The following BCAP29 variants were observed in gnomAD, a reference collection of about 807,000 sequenced individuals.
The protein encoded by BCAP29 is B-cell receptor-associated protein 29.
A neutral mutation model predicts 31.8 loss-of-function variants in BCAP29; 34 were observed. The observed-to-expected ratio is 1.07, with a 90% CI of 0.81 to 1.42. BCAP29 has a LOEUF of 1.42. BCAP29 is among the 40% of genes most tolerant of loss of function. The pLI is 0.00. For missense variants in BCAP29, 314 were observed against 269.2 expected, an observed-to-expected ratio of 1.17 and a Z score of -1.16; for synonymous variants, 104 against 91.3, an observed-to-expected ratio of 1.14 and a Z score of -0.79.
At chr7:107,601,182 C>T (rs1811114469) in intron 6 of BCAP29, among the ~76,000 whole-genome samples, 2 of 152,022 alleles carry the variant, frequency 1.3e-5, no homozygotes, top group South Asian at 4.1e-4. Context: ...GTAGATAACC[C>T]AAATTCAGTG....
rs1454931887 is a variant in BCAP29 at position 107,599,245 on chromosome 7, A to G, written c.481-1152A>G. Among the ~76,000 whole-genome samples, 228 of 128,944 alleles carry G rather than the reference A, an allele frequency of 1.8e-3. 9 individuals carry two copies. The highest frequency in any genetic ancestry group is 2.9e-3 in the Non-Finnish European group (186 of 63,502). The allele number at this position is 128,944 out of a possible 152,430, so 84.6% of individuals were successfully genotyped here. A position where few individuals can be genotyped will look rare whatever the true frequency, so the allele number is the denominator to read the frequency against. On this transcript the variant is annotated intron_variant, in intron 5 of 7. Coordinates refer to ENST00000005259, the MANE Select transcript of BCAP29 (RefSeq NM_018844.4). ...TACATAATTATATATATTTATATATAAATATATATAATTTTTATATATATA... is the reference window on the plus strand; with the variant it reads ...TACATAATTATATATATTTATATATGAATATATATAATTTTTATATATATA...
chr7:107,580,586 AC>A, intron 1 of BCAP29, 172 bp from the exon 2 acceptor site: 1 of 526,280 alleles, frequency 1.9e-6, no homozygotes. Flanking sequence ...AGGTGGCGAC[AC>A]CCGCTTCCCG....
At chr7:107,610,460 C>T (rs1002192802) in intron 6 of BCAP29, among the ~76,000 whole-genome samples, 3 of 151,950 alleles carry the variant, frequency 2.0e-5, no homozygotes, top group Non-Finnish European at 4.4e-5. Context: ...TTATATAGTC[C>T]CTTGGTTACA....
chr7:107,583,693 T>C (rs950712528), intron 2 of BCAP29, among the ~76,000 whole-genome samples, 189 bp from the exon 3 acceptor site: 2 of 152,148 alleles, frequency 1.3e-5, no homozygotes, highest in Non-Finnish European at 2.9e-5. Flanking sequence ...CAGGTTATTA[T>C]TAAATTTGAA....
At chr7:107,598,360 G>C (rs1245862630) in intron 5 of BCAP29, among the ~76,000 whole-genome samples, 1 of 152,004 alleles carries the variant, frequency 6.6e-6, no homozygotes, top group African/African-American at 2.4e-5. Context: ...AAGATATGAG[G>C]CTCCTTTAGT....
At chr7:107,588,367 T>A (rs963053531) in intron 3 of BCAP29, among the ~76,000 whole-genome samples, 2 of 152,220 alleles carry the variant, frequency 1.3e-5, no homozygotes, top group African/African-American at 2.4e-5. Context: ...TAAGCATGAC[T>A]GAATTGTTCA....
chr7:107,583,559 C>G (rs981516398), intron 2 of BCAP29, among the ~76,000 whole-genome samples: 1 of 152,050 alleles, frequency 6.6e-6, no homozygotes, highest in African/African-American at 2.4e-5. Flanking sequence ...GAAAAAGATA[C>G]AGAGTAGTAG....
intron 7 of BCAP29, among the ~76,000 whole-genome samples, chr7:107,614,898 G>T (rs906211016): frequency 6.6e-6 from 1 of 152,158 alleles, no homozygotes; most frequent in Non-Finnish European, 1.5e-5. Flanking sequence ...ATTATTCGTG[G>T]TATCTTTCAA....
At position 107,600,513 on chromosome 7, in the gene BCAP29, T is replaced by C. The variant is rs776631533; in HGVS notation, c.589+8T>C. On this transcript the variant is annotated splice_region_variant and intron_variant, in intron 6 of 7. Coordinates refer to ENST00000005259, the MANE Select transcript of BCAP29 (RefSeq NM_018844.4). ...TAAGGAAGACTTCAGATGGTAACTT[T>C]GTGTACATGTGAAAAAGTAAAAAGA... 1.3e-6 allele frequency: 2 copies of C among 1,496,328 alleles called. No homozygotes were observed. Among genetic ancestry groups the C allele is most frequent in the Middle Eastern group, 1.7e-4 (1 of 5,760 alleles). The allele number at this position is 1,496,328 out of a possible 1,614,324, so 92.7% of individuals were successfully genotyped here.
At chr7:107,618,164 A>G (rs1181690362) in intron 7 of BCAP29, among the ~76,000 whole-genome samples, 164 bp from the exon 8 acceptor site, 1 of 152,134 alleles carries the variant, frequency 6.6e-6, no homozygotes, top group Non-Finnish European at 1.5e-5. Context: ...AAAACCACAA[A>G]TTTTATAGTT....
At chr7:107,605,149 G>A (rs550256183) in intron 6 of BCAP29, among the ~76,000 whole-genome samples, 1 of 152,096 alleles carries the variant, frequency 6.6e-6, no homozygotes. Flanking sequence ...CTTCTTATCT[G>A]TTATCAAGGC....
At chr7:107,591,443 G>T (rs1808741891) in intron 3 of BCAP29, among the ~76,000 whole-genome samples, 1 of 152,070 alleles carries the variant, frequency 6.6e-6, no homozygotes, top group African/African-American at 2.4e-5. Flanking sequence ...TGAGCAAAAA[G>T]GAATTTTGAC....
intron 7 of BCAP29, chr7:107,615,159 CTCCAT>C (rs1813886793): frequency 2.6e-5 from 12 of 454,132 alleles, no homozygotes; most frequent in African/African-American, 2.4e-4. Context: ...TGTTGAATGT[CTCCAT>C]TGTGGTAACA....
chr7:107,617,415 A>G (rs1203490876), intron 7 of BCAP29, among the ~76,000 whole-genome samples: 3 of 152,174 alleles, frequency 2.0e-5, no homozygotes, highest in African/African-American at 7.2e-5. Context: ...AATAAATATT[A>G]GAAAACAGTC....
chr7:107,588,293 T>C (rs1481383968), intron 3 of BCAP29, among the ~76,000 whole-genome samples: 1 of 151,976 alleles, frequency 6.6e-6, no homozygotes, highest in African/African-American at 2.4e-5. Flanking sequence ...ATTTGGGTTT[T>C]ATTTTGGAGT....
At chr7:107,613,879 G>T in intron 7 of BCAP29, 1 of 615,584 alleles carries the variant, frequency 1.6e-6, no homozygotes, top group Non-Finnish European at 2.8e-6. Context: ...ACCTCCAAAT[G>T]TTGATTTGAA....
intron 4 of BCAP29, among the ~76,000 whole-genome samples, chr7:107,594,642 C>T (rs62483728): frequency 0.056 from 8,481 of 152,072 alleles, 324 homozygotes; most frequent in Non-Finnish European, 0.083. Context: ...GCTGGGAGTA[C>T]AGGCGCCTGC....
intron 6 of BCAP29, among the ~76,000 whole-genome samples, chr7:107,611,357 A>G (rs1426684358): frequency 1.3e-5 from 2 of 152,182 alleles, no homozygotes; most frequent in African/African-American, 4.8e-5. Context: ...GCTTGAGCCC[A>G]GGAGTTCAAG....
intron 5 of BCAP29, among the ~76,000 whole-genome samples, chr7:107,600,061 T>A (rs918640244): frequency 6.6e-6 from 1 of 152,134 alleles, no homozygotes; most frequent in Non-Finnish European, 1.5e-5. Flanking sequence ...TCAGAACTGT[T>A]TTTTTCCCTT....
Sources: allele counts gnomAD v4.1 joint callset (sites outside exome capture counted in the v4.1 genomes callset), GRCh38; gene constraint gnomAD v4.1.1; transcripts MANE v1.5; gene names NCBI Gene and HGNC (gene_info 2026-07-23, HGNC 2026-07-21).